The following SEPTIN7 variants were observed in gnomAD, a reference collection of about 807,000 sequenced individuals.
SEPTIN7 encodes septin 7.
A neutral mutation model predicts 63.3 loss-of-function variants in SEPTIN7; 10 were observed. The ratio of observed to expected loss-of-function variants is 0.16; its 90% CI spans 0.10 to 0.27. The LOEUF (loss-of-function observed/expected upper bound fraction) is 0.27. Among genes scored for constraint, SEPTIN7 ranks in the 10% least tolerant of loss-of-function variants. The probability of loss-of-function intolerance (pLI) is 1.00; values close to 1 mark genes in which losing one functional copy is unlikely to be tolerated. For synonymous variants in SEPTIN7, 131 were observed against 165.3 expected, an observed-to-expected ratio of 0.79 and a Z score of 1.59; for missense variants, 310 against 521.0, an observed-to-expected ratio of 0.59 and a Z score of 3.94.
intron 1 of SEPTIN7, among the ~76,000 whole-genome samples, chr7:35,828,624 G>A (rs747346889): frequency 2.6e-5 from 4 of 152,124 alleles, no homozygotes; most frequent in African/African-American, 4.8e-5. Flanking sequence ...TGATCCACCC[G>A]CCTTGGTCTC....
rs1789381645 is a variant in SEPTIN7 at position 35,821,086 on chromosome 7, A to G, written c.62-10406A>G. 2.0e-5 allele frequency among the ~76,000 whole-genome samples: 3 copies of G among 152,072 alleles called. No individual in the cohort carries two copies. In the South Asian group the frequency reaches 6.2e-4, roughly 31 times the overall value. On this transcript the variant is annotated intron_variant, in intron 1 of 13. Transcript: ENST00000350320. ...GTTCTGTTTTTTTCCAGTTGCCACT[A>G]GGCTGCTGGTTTTTACTGTGATTGT... is the stretch of plus-strand genomic sequence containing the variant.
chr7:35,850,538 G>A (rs1340342137), intron 3 of SEPTIN7, among the ~76,000 whole-genome samples: 2 of 152,140 alleles, frequency 1.3e-5, no homozygotes, highest in African/African-American at 2.4e-5. Flanking sequence ...CTATACAATT[G>A]CTATAAAATG....
chr7:35,892,749 A>G (rs1358037550), intron 11 of SEPTIN7, among the ~76,000 whole-genome samples: 1 of 139,986 alleles, frequency 7.1e-6, no homozygotes, highest in Non-Finnish European at 1.6e-5. Flanking sequence ...CATGAGTTAA[A>G]CTATATCCCA....
intron 1 of SEPTIN7, among the ~76,000 whole-genome samples, chr7:35,810,357 T>G (rs760915468): frequency 6.6e-6 from 1 of 151,164 alleles, no homozygotes; most frequent in Non-Finnish European, 1.5e-5. Context: ...GGAGTCTTGC[T>G]CTGTCACCCA....
At chr7:35,804,661 C>T (rs945577158) in intron 1 of SEPTIN7, among the ~76,000 whole-genome samples, 20 of 152,070 alleles carry the variant, frequency 1.3e-4, no homozygotes, top group African/African-American at 4.4e-4. Context: ...GCGTTGTTAA[C>T]AATACGGTAC....
Position 35,904,311 on chromosome 7 carries a change from A to T in SEPTIN7, c.*18A>T. 1.3e-6 allele frequency: 2 copies of T among 1,549,166 alleles called. No individual in the cohort carries two copies. Among genetic ancestry groups the T allele is most frequent in the Non-Finnish European group, 1.7e-6 (2 of 1,146,476 alleles). On this transcript the variant is annotated 3_prime_UTR_variant, in exon 14 of 14. Transcript: ENST00000350320. The stretch of plus-strand genomic sequence containing the variant: ...TCTTTTAAACTCTCTATTGACCACC[A>T]GTTAACGTATTAGTTGCCAATATGC...
chr7:35,838,437 T>C (rs918144311), intron 3 of SEPTIN7: 1 of 146,140 alleles, frequency 6.8e-6, no homozygotes, highest in African/African-American at 2.5e-5. Flanking sequence ...TGTCACACTC[T>C]TGGCTCACTG....
At chr7:35,908,275 A>G (rs7787132), downstream of SEPTIN7, among the ~76,000 whole-genome samples, 13,623 of 152,202 alleles carry the variant, frequency 0.09, 664 homozygotes, top group Non-Finnish European at 0.11. Context: ...AGTGTCAGCC[A>G]TTTTCAGCAG....
chr7:35,856,666 A>T (rs192375236), intron 3 of SEPTIN7, among the ~76,000 whole-genome samples: 1 of 152,286 alleles, frequency 6.6e-6, no homozygotes, highest in Non-Finnish European at 1.5e-5. Flanking sequence ...CTTACCCTGA[A>T]TGAGACTGGG....
chr7:35,848,395 G>A (rs968320561), intron 3 of SEPTIN7, among the ~76,000 whole-genome samples: 12 of 152,000 alleles, frequency 7.9e-5, no homozygotes, highest in African/African-American at 2.7e-4. Context: ...AGCCTCCCGA[G>A]TAGCTGGGAC....
intron 4 of SEPTIN7, among the ~76,000 whole-genome samples, chr7:35,868,651 G>A (rs1457655932): frequency 6.6e-6 from 1 of 151,904 alleles, no homozygotes; most frequent in East Asian, 1.9e-4. Flanking sequence ...GAGTATAGAG[G>A]ACTCAGAGAG....
At position 35,882,498 on chromosome 7, in the gene SEPTIN7, C is replaced by A; in HGVS notation, c.645C>A (p.Ile215=). ...QQFKKQIMKE[I]QEHKIKIYEF... ...TTCCATTTTAGATAATGAAAGAAAT[C>A]CAAGAACATAAAATTAAAATATACG... Residue 215 remains isoleucine (I), a synonymous_variant, in exon 8 of 14, where the codon ATC becomes ATA. Coordinates refer to ENST00000350320, the MANE Select transcript of SEPTIN7 (RefSeq NM_001788.6). The A allele has an allele frequency of 6.8e-7, 1 of 1,468,460 alleles. No individual in the cohort carries two copies. The highest frequency in any genetic ancestry group is 9.1e-7 in the Non-Finnish European group (1 of 1,097,696). The allele number at this position is 1,468,460 out of a possible 1,614,324, so 91.0% of individuals were successfully genotyped here. A position where few individuals can be genotyped will look rare whatever the true frequency, so the allele number is the denominator to read the frequency against.
At chr7:35,820,933 A>C (rs1050911036) in intron 1 of SEPTIN7, among the ~76,000 whole-genome samples, 8 of 152,084 alleles carry the variant, frequency 5.3e-5, no homozygotes, top group African/African-American at 1.9e-4. Context: ...AATTTTTGCC[A>C]TATGTTGTCA....
chr7:35,890,335 A>G (rs563888292), intron 10 of SEPTIN7, among the ~76,000 whole-genome samples: 18 of 152,256 alleles, frequency 1.2e-4, no homozygotes, highest in South Asian at 6.2e-4. Context: ...GTAGTGGCCA[A>G]TCTGCACTCT....
At chr7:35,840,010 C>A (rs1784328093) in intron 3 of SEPTIN7, among the ~76,000 whole-genome samples, 1 of 152,130 alleles carries the variant, frequency 6.6e-6, no homozygotes, top group Non-Finnish European at 1.5e-5. Flanking sequence ...GTTAATAATT[C>A]CTGAAGTAGG....
chr7:35,872,516 A>G (rs370945190), intron 4 of SEPTIN7, 150 bp from the exon 5 acceptor site: 32 of 620,314 alleles, frequency 5.2e-5, no homozygotes, highest in African/African-American at 2.2e-4. Flanking sequence ...GCTATCATCA[A>G]TTCTAAAGGT....
intron 10 of SEPTIN7, among the ~76,000 whole-genome samples, chr7:35,890,342 C>T (rs1787555466): frequency 2.0e-5 from 3 of 152,050 alleles, no homozygotes; most frequent in Admixed American, 1.3e-4. Context: ...CCAATCTGCA[C>T]TCTGTTGTCT....
intron 10 of SEPTIN7, among the ~76,000 whole-genome samples, chr7:35,889,094 A>AAATG (rs1194832441): frequency 6.6e-6 from 1 of 152,234 alleles, no homozygotes; most frequent in African/African-American, 2.4e-5. Flanking sequence ...CTTGTACCAA[A>AAATG]AATGAATGAC....
rs1783897989 is a variant in SEPTIN7, at chr7:35,832,800, A to G, written c.69A>G (p.Gln23=). ...RSVNSSTMVA[Q]QKNLEGYVGF... The stretch of plus-strand genomic sequence containing the variant: ...TTGGCCCTTTTTGCTTTTGTCAGCA[A>G]CAGAAGAACCTTGAAGGCTATGTGG... Residue 23 remains glutamine (Q), a splice_region_variant and synonymous_variant, in exon 3 of 14, where the codon CAA becomes CAG. Transcript: ENST00000350320. The G allele has an allele frequency of 1.3e-6, 2 of 1,599,550 alleles. No homozygotes were observed. Among genetic ancestry groups the G allele is most frequent in the Non-Finnish European group, 1.7e-6 (2 of 1,167,064 alleles).
Sources: allele counts gnomAD v4.1 joint callset (sites outside exome capture counted in the v4.1 genomes callset), GRCh38; gene constraint gnomAD v4.1.1; transcripts MANE v1.5; gene names NCBI Gene and HGNC (gene_info 2026-07-23, HGNC 2026-07-21).